The following ASCC1 variants were observed in gnomAD, a reference collection of about 807,000 sequenced individuals.
The protein encoded by ASCC1 is activating signal cointegrator 1 complex subunit 1, also known as ASC-1 complex subunit P50.
Under a neutral mutation model 46.6 loss-of-function variants are expected in ASCC1, and 35 were observed. That is an observed-to-expected ratio of 0.75 (90% CI 0.57 to 0.99). The LOEUF (loss-of-function observed/expected upper bound fraction) is 0.99, where lower values mean the gene tolerates loss of function less well. Among genes scored for constraint, ASCC1 ranks in the 50% least tolerant of loss-of-function variants. The probability of loss-of-function intolerance (pLI) is 0.00; values close to 1 mark genes in which losing one functional copy is unlikely to be tolerated. For missense variants in ASCC1, 376 were observed against 428.7 expected (o/e 0.88, Z 1.09); for synonymous variants, 143 against 146.6 (o/e 0.98, Z 0.18).
At chr10:72,140,498 G>C (rs911863324) in intron 7 of ASCC1, among the ~76,000 whole-genome samples, 2 of 152,200 alleles carry the variant, frequency 1.3e-5, no homozygotes, top group Non-Finnish European at 2.9e-5. Flanking sequence ...TGCTTAGACT[G>C]ATGTAGTAGT....
chr10:72,121,187 A>G lies in ASCC1; in HGVS notation c.957+6895T>C, dbSNP rs1844153748. Among the ~76,000 whole-genome samples the G allele has an allele frequency of 2.0e-5, 3 of 152,318 alleles. No individual in the cohort carries two copies. In the South Asian group the frequency reaches 6.2e-4, roughly 32 times the overall value. On this transcript the variant is annotated intron_variant, in intron 9 of 9. Transcript: ENST00000672957. The stretch of plus-strand genomic sequence containing the variant: ...GCGACAGGGTCTTGCTCTGTCACAC[A>G]GGCTGGAGTGCAATGGTGCAATCAT...
chr10:72,149,968 G>A (rs542224920), intron 7 of ASCC1, among the ~76,000 whole-genome samples: 10 of 152,072 alleles, frequency 6.6e-5, no homozygotes, highest in South Asian at 2.1e-4. Context: ...GGTGGATCAC[G>A]TGAGGTCAGG....
chr10:72,166,865 G>A (rs111575166), intron 5 of ASCC1, among the ~76,000 whole-genome samples: 22 of 152,036 alleles, frequency 1.4e-4, no homozygotes, highest in African/African-American at 4.3e-4. Context: ...TTAAAGAAAC[G>A]CAAATCAAAA....
chr10:72,131,896 GAGA>G (rs1845654926), intron 8 of ASCC1, among the ~76,000 whole-genome samples: 16 of 58,070 alleles, frequency 2.8e-4, no homozygotes, highest in African/African-American at 6.1e-5. Context: ...TTTTTTTTTT[GAGA>G]AGGAGTCTTG....
rs571430401 is a variant in ASCC1 at position 72,169,556 on chromosome 10, C to T, written c.490-7882G>A. ...TTATTTTTACAAAAAAAACACAGGA[C>T]AAATAAACCAGAAAACAATGATATT... is the stretch of plus-strand genomic sequence containing the variant. On this transcript the variant is annotated intron_variant, in intron 5 of 9. Transcript: ENST00000672957. Among the ~76,000 whole-genome samples the T allele has an allele frequency of 3.7e-4, 56 of 152,030 alleles. No individual in the cohort carries two copies. The South Asian group carries it at 0.011, about 31-fold the overall frequency.
chr10:72,213,157 CT>C (rs1415924508), intron 2 of ASCC1, 29 bp downstream of exon 2: 1 of 1,480,142 alleles, frequency 6.8e-7, no homozygotes, highest in Non-Finnish European at 9.4e-7. Flanking sequence ...CATTTTACTT[CT>C]TATCTGACCA....
intron 8 of ASCC1, among the ~76,000 whole-genome samples, chr10:72,129,087 T>G (rs2132246061): frequency 6.6e-6 from 1 of 152,276 alleles, no homozygotes; most frequent in Admixed American, 6.5e-5. Flanking sequence ...TTTTAAAAAC[T>G]CCATGAACAT....
intron 6 of ASCC1, among the ~76,000 whole-genome samples, chr10:72,155,801 T>TA (rs1480897393): frequency 6.6e-6 from 1 of 152,138 alleles, no homozygotes; most frequent in Non-Finnish European, 1.5e-5. Context: ...GAAACCCAAT[T>TA]AAAAATCAGC....
At chr10:72,128,939 A>G (rs951245562) in intron 8 of ASCC1, among the ~76,000 whole-genome samples, 7 of 152,248 alleles carry the variant, frequency 4.6e-5, no homozygotes, top group African/African-American at 1.7e-4. Context: ...GAATTAACTC[A>G]GAATATTTTC....
intron 5 of ASCC1, among the ~76,000 whole-genome samples, chr10:72,193,887 C>T (rs1854947031): frequency 1.3e-5 from 2 of 148,850 alleles, no homozygotes; most frequent in Admixed American, 6.7e-5. Context: ...CAGGTTGGAG[C>T]GCAGTGGTGC....
At chr10:72,153,528 C>A (rs1386382897) in intron 6 of ASCC1, among the ~76,000 whole-genome samples, 1 of 151,438 alleles carries the variant, frequency 6.6e-6, no homozygotes. Context: ...CGGGTTCACA[C>A]CATTCTCCTG....
At chr10:72,102,664 T>C (rs1841909352) in intron 9 of ASCC1, among the ~76,000 whole-genome samples, 1 of 152,140 alleles carries the variant, frequency 6.6e-6, no homozygotes. Context: ...CAAAGTTACC[T>C]AATGCCAATA....
At position 72,141,567 on chromosome 10, in the gene ASCC1, C is replaced by T. The variant is rs1038100122; in HGVS notation, c.747-8386G>A. 3.9e-5 allele frequency among the ~76,000 whole-genome samples: 6 copies of T among 152,124 alleles called. No homozygotes were observed. The South Asian group carries it at 8.3e-4, about 21-fold the overall frequency. Reference sequence around the variant, plus strand: ...AAAATAAAACTCTGGGAGTAAAAGGCGAATATGCTCTCTAGAAAGCTTATA... The same window carrying T: ...AAAATAAAACTCTGGGAGTAAAAGGTGAATATGCTCTCTAGAAAGCTTATA... On this transcript the variant is annotated intron_variant, in intron 7 of 9. Coordinates refer to ENST00000672957, the MANE Select transcript of ASCC1 (RefSeq NM_001198800.3).
intron 3 of ASCC1, among the ~76,000 whole-genome samples, chr10:72,207,936 C>G (rs1857447676): frequency 6.6e-6 from 1 of 152,006 alleles, no homozygotes; most frequent in Non-Finnish European, 1.5e-5. Context: ...CTCAACCTAC[C>G]AAGTAGCTGA....
At chr10:72,216,310 A>T (rs1345913697), upstream of ASCC1, 2 of 160,544 alleles carry the variant, frequency 1.2e-5, no homozygotes, top group Non-Finnish European at 2.8e-5. Flanking sequence ...CCGAGTGCGC[A>T]TGCGGGCCGA....
intron 7 of ASCC1, among the ~76,000 whole-genome samples, chr10:72,136,735 T>G (rs1366666107): frequency 6.6e-6 from 1 of 152,182 alleles, no homozygotes; most frequent in African/African-American, 2.4e-5. Flanking sequence ...GCACTACCTT[T>G]ATGAGCTCTA....
At chr10:72,124,723 C>CTTTTTTTTTTTTTT (rs34682603) in intron 9 of ASCC1, among the ~76,000 whole-genome samples, 1 of 118,656 alleles carries the variant, frequency 8.4e-6, no homozygotes, top group African/African-American at 3.5e-5. Flanking sequence ...CAAACAACAT[C>CTTTTTTTTTTTTTT]TTTTTTTTTT....
intron 9 of ASCC1, chr10:72,102,302 G>A (rs1415714408): frequency 6.5e-7 from 1 of 1,534,710 alleles, no homozygotes; most frequent in Non-Finnish European, 8.8e-7. Flanking sequence ...AACAAGTTCA[G>A]GTGTGTTTAC....
chr10:72,189,988 T>C, intron 5 of ASCC1: 1 of 756,790 alleles, frequency 1.3e-6, no homozygotes, highest in Admixed American at 1.7e-5. Context: ...AGAAACAGTC[T>C]GATGTCATGT....
Sources: gnomAD v4.1 joint callset for allele counts (sites outside exome capture counted in the v4.1 genomes callset) on GRCh38, gnomAD v4.1.1 for gene constraint, MANE v1.5 for transcripts, NCBI Gene and HGNC (gene_info 2026-07-23, HGNC 2026-07-21) for gene names.